PRIM2: variants seen among roughly 807,000 people sequenced by gnomAD.
The protein encoded by PRIM2 is DNA primase large subunit.
Under a neutral mutation model 67.3 loss-of-function variants are expected in PRIM2, and 39 were observed. The observed-to-expected ratio is 0.58, with a 90% CI of 0.45 to 0.76. The LOEUF (loss-of-function observed/expected upper bound fraction) is 0.76. PRIM2 is among the 30% of genes least tolerant of loss of function. PRIM2 has a pLI of 0.00. For synonymous variants in PRIM2, 143 were observed against 198.7 expected, an observed-to-expected ratio of 0.72 and a Z score of 2.36; for missense variants, 398 against 598.7, an observed-to-expected ratio of 0.66 and a Z score of 3.50.
chr6:57,497,116 C>G (rs1554346444), intron 7 of PRIM2, among the ~76,000 whole-genome samples: 65 of 152,134 alleles, frequency 4.3e-4, no homozygotes, highest in Admixed American at 4.3e-3. Flanking sequence ...ATAGTAAAAG[C>G]AAGAACATGT....
At chr6:57,539,612 TTGTGTGTGTGTGTGTGTGTGTG>T (rs1232932730) in intron 10 of PRIM2, among the ~76,000 whole-genome samples, 4 of 129,276 alleles carry the variant, frequency 3.1e-5, no homozygotes, top group Non-Finnish European at 4.8e-5. Context: ...ATTATATTCT[TTGTGTGTGTGTGTGTGTGTGTG>T]TGTGTGTGTG....
the PRIM2 span, among the ~76,000 whole-genome samples, chr6:57,247,885 G>C: frequency 2.6e-5 from 4 of 152,108 alleles, no homozygotes; most frequent in African/African-American, 9.7e-5. Flanking sequence ...GTGAGCATGA[G>C]TTTCATTCTG....
chr6:57,301,652 G>A, the PRIM2 span, among the ~76,000 whole-genome samples: 14 of 152,138 alleles, frequency 9.2e-5, no homozygotes, highest in East Asian at 3.9e-4. Context: ...AAATACACAC[G>A]CACACAAAAA....
At chr6:57,371,569 A>T (rs1370950839) in intron 5 of PRIM2, among the ~76,000 whole-genome samples, 1 of 152,228 alleles carries the variant, frequency 6.6e-6, no homozygotes, top group Non-Finnish European at 1.5e-5. Context: ...GCAACAAACA[A>T]TACATGTAAT....
intron 10 of PRIM2, among the ~76,000 whole-genome samples, chr6:57,581,705 A>G (rs1360609872): frequency 6.6e-6 from 1 of 152,220 alleles, no homozygotes; most frequent in African/African-American, 2.4e-5. Context: ...AGGGGCAGAA[A>G]CTTACTTGCT....
the PRIM2 span, among the ~76,000 whole-genome samples, chr6:57,256,255 T>G: frequency 6.6e-6 from 1 of 152,144 alleles, no homozygotes; most frequent in Non-Finnish European, 1.5e-5. Flanking sequence ...ACAATAATAC[T>G]TGCATTTCCT....
intron 5 of PRIM2, among the ~76,000 whole-genome samples, chr6:57,347,927 T>G (rs1160039543): frequency 2.6e-5 from 4 of 152,230 alleles, no homozygotes; most frequent in African/African-American, 9.6e-5. Flanking sequence ...GAATAGATGC[T>G]GACATTTAAG....
intron 10 of PRIM2, among the ~76,000 whole-genome samples, chr6:57,587,642 C>G (rs1165236527): frequency 9.1e-6 from 1 of 110,268 alleles, no homozygotes; most frequent in Non-Finnish European, 1.7e-5. Flanking sequence ...CCAGCCTGGG[C>G]AACAAGAGTG....
chr6:57,459,504 G>C (rs1166643802), intron 7 of PRIM2, among the ~76,000 whole-genome samples: 1 of 152,126 alleles, frequency 6.6e-6, no homozygotes, highest in African/African-American at 2.4e-5. Flanking sequence ...GCAGGTTCCT[G>C]TACAGTGATA....
At chr6:57,556,821 A>G (rs1775522348) in intron 10 of PRIM2, among the ~76,000 whole-genome samples, 1 of 152,188 alleles carries the variant, frequency 6.6e-6, no homozygotes, top group African/African-American at 2.4e-5. Flanking sequence ...AAAAGAAACT[A>G]TCAACAGAGT....
At chr6:57,243,285 T>A in the PRIM2 span, among the ~76,000 whole-genome samples, 1 of 152,192 alleles carries the variant, frequency 6.6e-6, no homozygotes, top group African/African-American at 2.4e-5. Flanking sequence ...GTTTGTGTGC[T>A]ACTGATGGTT....
At chr6:57,613,540 T>TA (rs1776701956) in intron 12 of PRIM2, among the ~76,000 whole-genome samples, 1 of 152,230 alleles carries the variant, frequency 6.6e-6, no homozygotes, top group African/African-American at 2.4e-5. Context: ...TCCAAGTACC[T>TA]AGCATAGTAT....
intron 7 of PRIM2, among the ~76,000 whole-genome samples, chr6:57,488,636 C>T (rs1232925656): frequency 1.3e-5 from 2 of 152,216 alleles, no homozygotes; most frequent in Non-Finnish European, 2.9e-5. Flanking sequence ...ACAACACCTA[C>T]TGTCAGGAGC....
At chr6:57,398,796 C>T (rs541414117) in intron 7 of PRIM2, among the ~76,000 whole-genome samples, 4 of 152,226 alleles carry the variant, frequency 2.6e-5, no homozygotes, top group African/African-American at 9.6e-5. Context: ...CTTTGTAGGT[C>T]TCTAAGAACT....
At chr6:57,527,112 T>G (rs1554349475) in intron 8 of PRIM2, among the ~76,000 whole-genome samples, 4 of 152,220 alleles carry the variant, frequency 2.6e-5, no homozygotes, top group African/African-American at 4.8e-5. Flanking sequence ...GTTTTTTTAT[T>G]TTATGGCAGC....
intron 10 of PRIM2, among the ~76,000 whole-genome samples, chr6:57,565,854 C>G (rs1478585973): frequency 2.0e-5 from 3 of 152,160 alleles, no homozygotes; most frequent in African/African-American, 7.2e-5. Flanking sequence ...TATGATTTGG[C>G]AAAATTAGCA....
chr6:57,520,610 A>T (rs1774591461), intron 8 of PRIM2, among the ~76,000 whole-genome samples: 1 of 152,200 alleles, frequency 6.6e-6, no homozygotes, highest in Non-Finnish European at 1.5e-5. Context: ...AATATATGTT[A>T]CAGGGGTGTA....
intron 7 of PRIM2, among the ~76,000 whole-genome samples, chr6:57,431,109 C>T (rs5002579): frequency 6.6e-6 from 1 of 152,098 alleles, no homozygotes; most frequent in Admixed American, 6.6e-5. Context: ...CAATCTTCGT[C>T]GTGTCCCTTT....
intron 10 of PRIM2, among the ~76,000 whole-genome samples, chr6:57,590,153 C>T (rs2127488129): frequency 6.6e-6 from 1 of 152,138 alleles, no homozygotes; most frequent in East Asian, 1.9e-4. Flanking sequence ...CACTGTGATT[C>T]GATGGACATT....
Sources: allele counts gnomAD v4.1 joint callset (sites outside exome capture counted in the v4.1 genomes callset), GRCh38; gene constraint gnomAD v4.1.1; transcripts MANE v1.5; gene names NCBI Gene and HGNC (gene_info 2026-07-23, HGNC 2026-07-21).